Variants in PRAC1 observed in about 807,000 individuals in gnomAD.
The protein encoded by PRAC1 is small nuclear protein PRAC1.
Under a neutral mutation model 3.1 loss-of-function variants are expected in PRAC1, and 4 were observed. The observed-to-expected ratio is 1.28, with a 90% CI of 0.63 to 2.93. PRAC1 has a LOEUF of 2.93. Among genes scored for constraint, PRAC1 ranks in the 30% most tolerant of loss-of-function variants. The pLI is 0.01. For missense variants in PRAC1, 72 were observed against 66.8 expected (o/e 1.08, Z -0.27); for synonymous variants, 32 against 27.0 (o/e 1.18, Z -0.57).
chr17:48,722,140 C>G (rs1285192553), intron 1 of PRAC1, among the ~76,000 whole-genome samples, 178 bp downstream of exon 1: 2 of 152,030 alleles, frequency 1.3e-5, no homozygotes, highest in African/African-American at 4.8e-5. Context: ...CTCCAGGAAC[C>G]GCGAGTAGGT....
rs79275384 is a variant in PRAC1, at chr17:48,722,151, G to T, written c.75+167C>A. Reference sequence around the variant, plus strand: ...GTCTCTCCAGGAACCGCGAGTAGGTGCTCCCGCCAGGTGGTATCGGTGAAA... The same window carrying T: ...GTCTCTCCAGGAACCGCGAGTAGGTTCTCCCGCCAGGTGGTATCGGTGAAA... On this transcript the variant is annotated intron_variant, in intron 1 of 1. Coordinates refer to ENST00000290294, the MANE Select transcript of PRAC1 (RefSeq NM_032391.3). Among the ~76,000 whole-genome samples the T allele has an allele frequency of 6.9e-3, 1,051 of 152,140 alleles. 9 individuals carry two copies. The highest frequency in any genetic ancestry group is 0.024 in the African/African-American group (982 of 41,514).
chr17:48,722,183 T>A, intron 1 of PRAC1, 135 bp downstream of exon 1: 3 of 777,322 alleles, frequency 3.9e-6, no homozygotes. Context: ...GAAAGCCTGC[T>A]GCTCACCCTT....
rs377415181 is a variant in PRAC1 at position 48,721,823 on chromosome 17, C to T, written c.152G>A (p.Gly51Asp). 1.3e-6 allele frequency: 2 copies of T among 1,542,418 alleles called. No individual in the cohort carries two copies. Among genetic ancestry groups the T allele is most frequent in the East Asian group, 2.5e-5 (1 of 40,470 alleles). Residue 51 changes from glycine (G) to aspartate (D), a missense_variant, in exon 2 of 2, where the codon GGC becomes GAC. Transcript: ENST00000290294. ...GSACNSGISG[G>D]RGRKIP ...TGCTCAAGGAATCTTCCTGCCTCGG[C>T]CTCCCGAAATTCCAGAATTACAGGC...
rs1380216644 is a variant in PRAC1 at position 48,722,298 on chromosome 17, T to G, written c.75+20A>C. 1 of 1,604,066 alleles carries G rather than the reference T, an allele frequency of 6.2e-7. No homozygotes were observed. Among genetic ancestry groups the G allele is most frequent in the Admixed American group, 1.7e-5 (1 of 60,008 alleles). ...CTGAGCGATCCGTCGATAACGCCCT[T>G]GGCCCACCGATCAGTTTACCTTATT... On this transcript the variant is annotated intron_variant, in intron 1 of 1. Transcript: ENST00000290294.
In PRAC1 at chr17:48,722,360, C is replaced by G; in HGVS notation, c.33G>C (p.Pro11=). Residue 11 remains proline, a synonymous_variant, in exon 1 of 2, where the codon CCG becomes CCC. Transcript: ENST00000290294. ...CACTCTTGGAGGTAGTAAGATGGGC[C>G]GGTCCTTGATCTGAGAAATGGGCGC... MLCAHFSDQG[P]AHLTTSKSAF... 6.2e-7 allele frequency: 1 copy of G among 1,614,194 alleles called. No homozygotes were observed. The highest frequency in any genetic ancestry group is 8.5e-7 in the Non-Finnish European group (1 of 1,180,014).
Position 48,722,366 on chromosome 17 carries a change from T to G in PRAC1, c.27A>C (p.Gln9His). The G allele has an allele frequency of 6.2e-7, 1 of 1,614,208 alleles. No individual in the cohort carries two copies. The highest frequency in any genetic ancestry group is 8.5e-7 in the Non-Finnish European group (1 of 1,180,010). MLCAHFSD[Q>H]GPAHLTTSKS... is the part of the protein sequence containing the mutation. ...TGGAGGTAGTAAGATGGGCCGGTCC[T>G]TGATCTGAGAAATGGGCGCACAACA... The change falls in exon 1 of 2, where the codon CAA becomes CAC. Residue 9 changes from glutamine to histidine, a missense_variant. Transcript: ENST00000290294.
At chr17:48,721,983 A>G in intron 1 of PRAC1, 84 bp from the exon 2 acceptor site, 1 of 1,347,684 alleles carries the variant, frequency 7.4e-7, no homozygotes, top group Non-Finnish European at 9.9e-7. Context: ...ACTCCATCCC[A>G]TTGGAGACAA....
Position 48,721,737 on chromosome 17 carries a change from T to C in PRAC1, c.*64A>G. On this transcript the variant is annotated 3_prime_UTR_variant, in exon 2 of 2. Coordinates refer to ENST00000290294, the MANE Select transcript of PRAC1 (RefSeq NM_032391.3). ...CACCCAGTTTCCTTTTTTAAAAAAATTTTATTGTATAAATAGAGACAGCGT... is the reference window on the plus strand; with the variant it reads ...CACCCAGTTTCCTTTTTTAAAAAAACTTTATTGTATAAATAGAGACAGCGT... 7.3e-7 allele frequency: 1 copy of C among 1,360,560 alleles called. No individual in the cohort carries two copies. 84.3% of individuals were successfully genotyped at this position (1,360,560 alleles called of 1,614,324 possible).
chr17:48,722,196 C>A, intron 1 of PRAC1, 122 bp downstream of exon 1: 1 of 853,888 alleles, frequency 1.2e-6, no homozygotes, highest in Non-Finnish European at 1.9e-6. Flanking sequence ...TCACCCTTCC[C>A]TTGTTTCCCA....
At position 48,722,344 on chromosome 17, in the gene PRAC1, A is replaced by C; in HGVS notation, c.49T>G (p.Ser17Ala). The C allele has an allele frequency of 6.2e-7, 1 of 1,614,054 alleles. No homozygotes were observed. Among genetic ancestry groups the C allele is most frequent in the South Asian group, 1.1e-5 (1 of 91,072 alleles). Residue 17 changes from serine (S) to alanine (A), a missense_variant, in exon 1 of 2, where the codon TCC becomes GCC. Coordinates refer to ENST00000290294, the MANE Select transcript of PRAC1 (RefSeq NM_032391.3). Reference protein sequence around the residue: ...SDQGPAHLTTSKSAFLSNKKT... With the variant: ...SDQGPAHLTTAKSAFLSNKKT... The stretch of plus-strand genomic sequence containing the variant: ...TTATTAGAGAGAAAAGCACTCTTGG[A>C]GGTAGTAAGATGGGCCGGTCCTTGA...
Position 48,721,878 on chromosome 17 carries a change from G to A in PRAC1, c.97C>T (p.Leu33=), listed in dbSNP as rs2038148665. Residue 33 remains leucine, a synonymous_variant, in exon 2 of 2, where the codon CTA becomes TTA. Transcript: ENST00000290294. ...CCATCACTCCTGGTCTCGCCCAGTA[G>A]ATGTTTCAAAGTAGATGTTTTCTAA... ...SNKKTSTLKH[L]LGETRSDGSA... The A allele has an allele frequency of 1.3e-6, 2 of 1,531,652 alleles. No homozygotes were observed. The highest frequency in any genetic ancestry group is 1.8e-6 in the Non-Finnish European group (2 of 1,138,150). 94.9% of individuals were successfully genotyped at this position (1,531,652 alleles called of 1,614,324 possible). A position where few individuals can be genotyped will look rare whatever the true frequency, so the allele number is the denominator to read the frequency against.
Position 48,722,363 on chromosome 17 carries a change from T to C in PRAC1, c.30A>G (p.Gly10=). The change falls in exon 1 of 2, where the codon GGA becomes GGG. Residue 10 remains glycine, a synonymous_variant. Coordinates refer to ENST00000290294, the MANE Select transcript of PRAC1 (RefSeq NM_032391.3). Reference sequence around the variant, plus strand: ...TCTTGGAGGTAGTAAGATGGGCCGGTCCTTGATCTGAGAAATGGGCGCACA... The same window carrying C: ...TCTTGGAGGTAGTAAGATGGGCCGGCCCTTGATCTGAGAAATGGGCGCACA... MLCAHFSDQ[G]PAHLTTSKSA... is the part of the protein sequence containing the mutation. 6.2e-7 allele frequency: 1 copy of C among 1,614,204 alleles called. No homozygotes were observed.
intron 1 of PRAC1, among the ~76,000 whole-genome samples, 190 bp from the exon 2 acceptor site, chr17:48,722,089 C>T (rs1465117748): frequency 6.6e-6 from 1 of 152,178 alleles, no homozygotes; most frequent in Non-Finnish European, 1.5e-5. Flanking sequence ...TGCTGCGAAA[C>T]ATTTTCTTTG....
chr17:48,722,362 G>T lies in PRAC1; in HGVS notation c.31C>A (p.Pro11Thr), dbSNP rs1343232842. Residue 11 changes from proline (P) to threonine (T), a missense_variant, in exon 1 of 2, where the codon CCG becomes ACG. Transcript: ENST00000290294. MLCAHFSDQGPAHLTTSKSAF... is the reference protein window; with the variant it reads MLCAHFSDQGTAHLTTSKSAF... ...CTCTTGGAGGTAGTAAGATGGGCCG[G>T]TCCTTGATCTGAGAAATGGGCGCAC... 6.2e-7 allele frequency: 1 copy of T among 1,614,084 alleles called. No individual in the cohort carries two copies. Among genetic ancestry groups the T allele is most frequent in the South Asian group, 1.1e-5 (1 of 91,084 alleles).
Position 48,721,828 on chromosome 17 carries a change from C to T in PRAC1, c.147G>A (p.Ser49=). The part of the protein sequence containing the change: ...SDGSACNSGI[S]GGRGRKIP ...AAGGAATCTTCCTGCCTCGGCCTCC[C>T]GAAATTCCAGAATTACAGGCTGAGC... The change falls in exon 2 of 2, where the codon TCG becomes TCA. Residue 49 remains serine, a synonymous_variant. Coordinates refer to ENST00000290294, the MANE Select transcript of PRAC1 (RefSeq NM_032391.3). 3 of 1,542,752 alleles carry T rather than the reference C, an allele frequency of 1.9e-6. No homozygotes were observed. Among genetic ancestry groups the T allele is most frequent in the African/African-American group, 1.4e-5 (1 of 73,002 alleles).
rs952188985 is a variant in PRAC1 at position 48,722,500 on chromosome 17, T to C, written c.-108A>G. 2.2e-6 allele frequency: 2 copies of C among 921,176 alleles called. No individual in the cohort carries two copies. Among genetic ancestry groups the C allele is most frequent in the African/African-American group, 3.2e-5 (2 of 61,688 alleles). The allele number at this position is 921,176 out of a possible 1,614,324, so 57.1% of individuals were successfully genotyped here. A position where few individuals can be genotyped will look rare whatever the true frequency, so the allele number is the denominator to read the frequency against. ...CCCAGTGGCGCTCTGTTTGCACGCC[T>C]TAGGCTAGGAGAGGAAGGACGGGAG... On this transcript the variant is annotated 5_prime_UTR_variant, in exon 1 of 2. Transcript: ENST00000290294.
Position 48,722,343 on chromosome 17 carries a change from G to C in PRAC1, c.50C>G (p.Ser17Cys). 3 of 1,614,170 alleles carry C rather than the reference G, an allele frequency of 1.9e-6. No homozygotes were observed. The highest frequency in any genetic ancestry group is 1.1e-5 in the South Asian group (1 of 91,082). Residue 17 changes from serine to cysteine, a missense_variant, in exon 1 of 2, where the codon TCC (serine) becomes TGC (cysteine). By Grantham distance (112) the Ser-to-Cys change is moderately radical. Transcript: ENST00000290294. Reference protein sequence around the residue: ...SDQGPAHLTTSKSAFLSNKKT... With the variant: ...SDQGPAHLTTCKSAFLSNKKT... Reference sequence around the variant, plus strand: ...CTTATTAGAGAGAAAAGCACTCTTGGAGGTAGTAAGATGGGCCGGTCCTTG... The same window carrying C: ...CTTATTAGAGAGAAAAGCACTCTTGCAGGTAGTAAGATGGGCCGGTCCTTG...
chr17:48,722,165 G>A (rs2038152253), intron 1 of PRAC1, among the ~76,000 whole-genome samples, 153 bp downstream of exon 1: 1 of 152,130 alleles, frequency 6.6e-6, no homozygotes, highest in Admixed American at 6.5e-5. Context: ...CCGCCAGGTG[G>A]TATCGGTGAA....
chr17:48,722,155 C>T (rs917287933), intron 1 of PRAC1, among the ~76,000 whole-genome samples, 163 bp downstream of exon 1: 3 of 152,102 alleles, frequency 2.0e-5, no homozygotes, highest in African/African-American at 7.2e-5. Context: ...GTAGGTGCTC[C>T]CGCCAGGTGG....
Sources: allele counts gnomAD v4.1 joint callset (sites outside exome capture counted in the v4.1 genomes callset), GRCh38; gene constraint gnomAD v4.1.1; transcripts MANE v1.5; gene names NCBI Gene and HGNC (gene_info 2026-07-23, HGNC 2026-07-21).